The following SLC36A1 variants were observed in gnomAD, a reference collection of about 807,000 sequenced individuals.
SLC36A1 encodes solute carrier family 36 member 1.
In SLC36A1, 30 loss-of-function variants were observed where a neutral mutation model predicts 47.5. The observed-to-expected ratio is 0.63, with a 90% CI of 0.47 to 0.86. SLC36A1 has a LOEUF of 0.86. Ranked by LOEUF, SLC36A1 falls within the 40% of genes least tolerant of loss-of-function variation. The probability of loss-of-function intolerance (pLI) is 0.00; values close to 1 mark genes in which losing one functional copy is unlikely to be tolerated. For synonymous variants in SLC36A1, 255 were observed against 249.7 expected (o/e 1.02, Z -0.20); for missense variants, 517 against 606.0 (o/e 0.85, Z 1.54).
At chr5:151,517,897 G>A in the SLC36A1 span, 1 of 1,126,442 alleles carries the variant, frequency 8.9e-7, no homozygotes, top group Non-Finnish European at 1.3e-6. Context: ...AAGAAACTAG[G>A]CTGGGTGTGG....
the SLC36A1 span, chr5:151,534,683 A>C: frequency 1.3e-6 from 2 of 1,552,344 alleles, no homozygotes; most frequent in Admixed American, 1.7e-5. Context: ...TCTCTGGGGA[A>C]ATATTACCCA....
chr5:151,537,234 A>AGG, the SLC36A1 span, among the ~76,000 whole-genome samples: 1 of 148,510 alleles, frequency 6.7e-6, no homozygotes, highest in Admixed American at 6.7e-5. Flanking sequence ...GAGGAGGAGG[A>AGG]AGAAGAAGAA....
intron 1 of SLC36A1, among the ~76,000 whole-genome samples, chr5:151,457,352 C>T (rs1754708890): frequency 6.6e-6 from 1 of 151,988 alleles, no homozygotes; most frequent in Non-Finnish European, 1.5e-5. Flanking sequence ...CTCTAGGATT[C>T]TAGGGGCCTA....
upstream of SLC36A1, among the ~76,000 whole-genome samples, chr5:151,433,932 C>T (rs1200349771): frequency 1.3e-5 from 2 of 151,806 alleles, no homozygotes; most frequent in African/African-American, 4.8e-5. Context: ...ACCTAGTGCC[C>T]AGAGGATGGA....
upstream of SLC36A1, among the ~76,000 whole-genome samples, chr5:151,446,070 T>C (rs1752900062): frequency 6.6e-6 from 1 of 152,208 alleles, no homozygotes. Context: ...AACTATTTAA[T>C]TGGTCTCTTT....
the SLC36A1 span, among the ~76,000 whole-genome samples, chr5:151,384,376 G>GA: frequency 6.6e-6 from 1 of 152,228 alleles, no homozygotes; most frequent in African/African-American, 2.4e-5. Flanking sequence ...GAGCCAGGAA[G>GA]AAACAATGCC....
the SLC36A1 span, among the ~76,000 whole-genome samples, chr5:151,367,767 C>T: frequency 4.9e-3 from 749 of 152,220 alleles, 6 homozygotes; most frequent in African/African-American, 0.017. Context: ...ATGAAGTTGT[C>T]CCAATTTATG....
chr5:151,485,954 A>G (rs1759459838), intron 10 of SLC36A1, among the ~76,000 whole-genome samples: 1 of 152,196 alleles, frequency 6.6e-6, no homozygotes, highest in African/African-American at 2.4e-5. Context: ...GCTATGTTGG[A>G]CAGCACAGCT....
the SLC36A1 span, among the ~76,000 whole-genome samples, chr5:151,501,833 A>G: frequency 4.7e-5 from 7 of 148,160 alleles, no homozygotes; most frequent in East Asian, 3.9e-4. Context: ...ATGAATCTAG[A>G]TCTTACATCC....
At chr5:151,549,373 C>T in the SLC36A1 span, 19,046 of 1,613,966 alleles carry the variant, frequency 0.012, 401 homozygotes, top group African/African-American at 0.091. Flanking sequence ...AGCTCTGTGC[C>T]GGGGGCTATG....
chr5:151,351,453 G>A, the SLC36A1 span, among the ~76,000 whole-genome samples: 1 of 152,092 alleles, frequency 6.6e-6, no homozygotes, highest in South Asian at 2.1e-4. Flanking sequence ...GTAGGTATAG[G>A]CTCTGACACA....
chr5:151,397,175 C>T, the SLC36A1 span, among the ~76,000 whole-genome samples: 1 of 152,200 alleles, frequency 6.6e-6, no homozygotes, highest in Non-Finnish European at 1.5e-5. Context: ...TATACCAGCT[C>T]CTGGCTCCAT....
chr5:151,434,224 A>G (rs1759636134), upstream of SLC36A1, among the ~76,000 whole-genome samples: 2 of 152,250 alleles, frequency 1.3e-5, no homozygotes, highest in South Asian at 2.1e-4. Context: ...AGAGAAATGT[A>G]TGATACAAAC....
the SLC36A1 span, among the ~76,000 whole-genome samples, chr5:151,386,889 C>T: frequency 1.3e-5 from 2 of 152,158 alleles, no homozygotes; most frequent in Non-Finnish European, 1.5e-5. Context: ...TGTTGTTTGC[C>T]TCCAAAGAAC....
At chr5:151,463,700 G>T in intron 3 of SLC36A1, 57 bp downstream of exon 3, 1 of 1,337,206 alleles carries the variant, frequency 7.5e-7, no homozygotes, top group Non-Finnish European at 1.1e-6. Flanking sequence ...GTAGCTTTTT[G>T]TTGTTGTTAA....
At chr5:151,427,486 G>A in the SLC36A1 span, among the ~76,000 whole-genome samples, 1 of 152,138 alleles carries the variant, frequency 6.6e-6, no homozygotes, top group Admixed American at 6.5e-5. Context: ...GCTCCCTGTG[G>A]GGTTCATTTG....
chr5:151,502,355 C>A, the SLC36A1 span, among the ~76,000 whole-genome samples: 5 of 147,746 alleles, frequency 3.4e-5, no homozygotes, highest in Non-Finnish European at 7.4e-5. Context: ...AAGACAGTGT[C>A]AAGAAGACAA....
the SLC36A1 span, among the ~76,000 whole-genome samples, chr5:151,361,791 T>C: frequency 1.3e-5 from 2 of 152,240 alleles, no homozygotes; most frequent in Admixed American, 6.5e-5. Context: ...TATCATCTTC[T>C]GTTTATCTGG....
At chr5:151,347,148 C>G in the SLC36A1 span, 2 of 920,786 alleles carry the variant, frequency 2.2e-6, no homozygotes, top group Non-Finnish European at 3.5e-6. Context: ...TCTGCCTCAG[C>G]TTGACTCAGC....
Sources: allele counts gnomAD v4.1 joint callset (sites outside exome capture counted in the v4.1 genomes callset), GRCh38; gene constraint gnomAD v4.1.1; transcripts MANE v1.5; gene names NCBI Gene and HGNC (gene_info 2026-07-23, HGNC 2026-07-21).